The following BAIAP2 variants were observed in gnomAD, a reference collection of about 807,000 sequenced individuals.
The protein encoded by BAIAP2 is BAR/IMD domain containing adaptor protein 2, also known as BAR/IMD domain-containing adapter protein 2.
A neutral mutation model predicts 63.0 loss-of-function variants in BAIAP2; 18 were observed. The observed-to-expected ratio is 0.29, with a 90% CI of 0.20 to 0.42. The LOEUF (loss-of-function observed/expected upper bound fraction) is 0.42. BAIAP2 is among the 10% of genes least tolerant of loss of function. The pLI, the probability that BAIAP2 is intolerant of heterozygous loss-of-function variation, is 1.00. For missense variants in BAIAP2, 610 were observed against 734.3 expected (o/e 0.83, Z 1.96); for synonymous variants, 386 against 307.6 (o/e 1.25, Z -2.67).
intron 13 of BAIAP2, chr17:81,109,739 G>A (rs942801504): frequency 2.8e-5 from 28 of 985,416 alleles, no homozygotes; most frequent in Non-Finnish European, 3.1e-5. Context: ...GGGCACTGGC[G>A]GGAGCAAGGT....
At chr17:81,073,134 T>TCTGTCCCCATGACCCTCCAGCGG (rs2053000588) in intron 3 of BAIAP2, among the ~76,000 whole-genome samples, 3 of 152,144 alleles carry the variant, frequency 2.0e-5, no homozygotes, top group Middle Eastern at 6.8e-3. Context: ...CGTGGGGCCT[T>TCTGTCCCCATGACCCTCCAGCGG]CTGTCCCCAT....
intron 13 of BAIAP2, chr17:81,110,982 G>A (rs374343732): frequency 9.9e-5 from 160 of 1,613,560 alleles, no homozygotes; most frequent in South Asian, 5.8e-4. Flanking sequence ...GCGTTCTCGT[G>A]CAGTCACTGG....
rs1349676060 is a variant in BAIAP2, at chr17:81,094,807, G to A, written c.490-5121G>A. ...CTCACCCCACACACCACAGCTGACC[G>A]GTCCGCAGCCGCATCCTTTCGAGTA... On this transcript the variant is annotated intron_variant, in intron 6 of 13. Transcript: ENST00000428708. 2.6e-5 allele frequency among the ~76,000 whole-genome samples: 4 copies of A among 152,320 alleles called. No individual in the cohort carries two copies. The South Asian group carries it at 8.3e-4, about 32-fold the overall frequency.
chr17:81,047,500 CGT>C (rs768922371), intron 1 of BAIAP2, among the ~76,000 whole-genome samples: 8 of 152,158 alleles, frequency 5.3e-5, no homozygotes, highest in Non-Finnish European at 8.8e-5. Flanking sequence ...CACAGGTCCA[CGT>C]GTGTCCAGCA....
chr17:81,105,073 G>C, intron 10 of BAIAP2: 1 of 204,910 alleles, frequency 4.9e-6, no homozygotes, highest in South Asian at 6.6e-5. Context: ...TCCCCCCAAT[G>C]GCTCGGGTCT....
chr17:81,053,330 A>C, intron 1 of BAIAP2: 1 of 280,562 alleles, frequency 3.6e-6, no homozygotes, highest in Non-Finnish European at 6.8e-6. Context: ...GCCAATGGGA[A>C]CGGCACCTCG....
In BAIAP2 at chr17:81,116,289, C is replaced by T. The variant is rs201102086; in HGVS notation, c.*450C>T. ...GAGCACGGGGATGGGAGCGCCCGCA[C>T]CCTGGCTGGAAGATGAACTTCCCGT... On this transcript the variant is annotated 3_prime_UTR_variant, in exon 14 of 14. Transcript: ENST00000428708. 1.9e-6 allele frequency: 3 copies of T among 1,612,568 alleles called. No homozygotes were observed. The highest frequency in any genetic ancestry group is 4.5e-5 in the East Asian group (2 of 44,892).
chr17:81,094,016 CAG>C (rs1379626719), intron 6 of BAIAP2, among the ~76,000 whole-genome samples: 1 of 135,744 alleles, frequency 7.4e-6, no homozygotes, highest in Non-Finnish European at 1.5e-5. Context: ...CCAGGAAAAA[CAG>C]GAGTGTGAGG....
intron 1 of BAIAP2, among the ~76,000 whole-genome samples, chr17:81,050,730 T>G (rs138522703): frequency 5.7e-5 from 1 of 17,420 alleles, no homozygotes; most frequent in Non-Finnish European, 2.1e-4. Context: ...CACACAAATG[T>G]GCACATGCAC....
chr17:81,041,015 G>T (rs1170223506), intron 1 of BAIAP2, among the ~76,000 whole-genome samples: 2 of 152,224 alleles, frequency 1.3e-5, no homozygotes, highest in Non-Finnish European at 2.9e-5. Flanking sequence ...CTCTGGCGGG[G>T]GCCCGTTTCT....
At chr17:81,086,053 C>T (rs942231385) in intron 5 of BAIAP2, among the ~76,000 whole-genome samples, 14 of 150,550 alleles carry the variant, frequency 9.3e-5, no homozygotes, top group African/African-American at 2.4e-4. Context: ...CCTGGGCTCT[C>T]GGCCCGTCCT....
chr17:81,084,062 G>A (rs560524908), intron 3 of BAIAP2, among the ~76,000 whole-genome samples: 31 of 152,204 alleles, frequency 2.0e-4, no homozygotes, highest in South Asian at 4.1e-4. Flanking sequence ...GGCCTCTGAC[G>A]GCGCTTACCC....
rs140205618 is a variant in BAIAP2 at position 81,085,683 on chromosome 17, G to A, written c.309G>A (p.Thr103=). The stretch of plus-strand genomic sequence containing the variant: ...AGTCTTTTCACAACGAGCTGCTTAC[G>A]CAGCTGGAGCAGAAGGTGGAGCTGG... ...MLKSFHNELL[T]QLEQKVELDS... Residue 103 remains threonine (T), a synonymous_variant, in exon 5 of 14, where the codon ACG becomes ACA. Coordinates refer to ENST00000428708, the MANE Select transcript of BAIAP2 (RefSeq NM_001144888.2). The A allele has an allele frequency of 6.2e-6, 10 of 1,613,754 alleles. No homozygotes were observed. In the African/African-American group the frequency reaches 9.3e-5, roughly 15 times the overall value.
At chr17:81,084,966 G>T (rs963657676) in intron 4 of BAIAP2, 73 bp downstream of exon 4, 1 of 1,481,330 alleles carries the variant, frequency 6.8e-7, no homozygotes, top group South Asian at 1.1e-5. Flanking sequence ...CACCTTGGCC[G>T]TGTGTCCACT....
At chr17:81,037,564 C>T (rs1009930466) in intron 1 of BAIAP2, among the ~76,000 whole-genome samples, 30 of 152,342 alleles carry the variant, frequency 2.0e-4, no homozygotes, top group African/African-American at 6.7e-4. Context: ...CTGAGGCCAC[C>T]GGTGTGCACT....
intron 3 of BAIAP2, among the ~76,000 whole-genome samples, chr17:81,074,982 T>C (rs1434607416): frequency 6.6e-6 from 1 of 152,266 alleles, no homozygotes; most frequent in Non-Finnish European, 1.5e-5. Context: ...TTCTGTTTTC[T>C]AAACCACAGG....
intron 3 of BAIAP2, among the ~76,000 whole-genome samples, chr17:81,084,548 A>T (rs535628005): frequency 6.6e-6 from 1 of 152,246 alleles, no homozygotes; most frequent in South Asian, 2.1e-4. Context: ...GGGGTGAAGC[A>T]CACACGGGCT....
At chr17:81,037,032 G>T (rs922256044) in intron 1 of BAIAP2, 2 of 1,324,826 alleles carry the variant, frequency 1.5e-6, no homozygotes, top group Non-Finnish European at 2.1e-6. Context: ...TCTCCTAACC[G>T]GGCAGTAGGC....
At chr17:81,092,228 TGCTGGGCAGCGAG>T (rs2056893204) in intron 6 of BAIAP2, among the ~76,000 whole-genome samples, 1 of 152,244 alleles carries the variant, frequency 6.6e-6, no homozygotes, top group Non-Finnish European at 1.5e-5. Flanking sequence ...GCTGTGAGGC[TGCTGGGCAGCGAG>T]GCTGGGCCCA....
Sources: allele counts gnomAD v4.1 joint callset (sites outside exome capture counted in the v4.1 genomes callset), GRCh38; gene constraint gnomAD v4.1.1; transcripts MANE v1.5; gene names NCBI Gene and HGNC (gene_info 2026-07-23, HGNC 2026-07-21).